The following LRCH1 variants were observed in gnomAD, a reference collection of about 807,000 sequenced individuals.
The protein encoded by LRCH1 is leucine-rich repeat and calponin homology domain-containing protein 1.
In LRCH1, 23 loss-of-function variants were observed where a neutral mutation model predicts 94.9. That is an observed-to-expected ratio of 0.24 (90% CI 0.17 to 0.34). LRCH1 has a LOEUF of 0.34. LRCH1 is among the 10% of genes least tolerant of loss of function. The probability of loss-of-function intolerance (pLI) is 1.00; values close to 1 mark genes in which losing one functional copy is unlikely to be tolerated. For synonymous variants in LRCH1, 364 were observed against 354.9 expected (o/e 1.03, Z -0.29); for missense variants, 790 against 945.9 (o/e 0.84, Z 2.16).
Position 46,744,369 on chromosome 13 carries a change from AT to A in LRCH1, c.*2524del. 1.0e-6 allele frequency: 1 copy of A among 985,410 alleles called. No individual in the cohort carries two copies. The highest frequency in any genetic ancestry group is 1.7e-5 in the African/African-American group (1 of 57,344). 61.0% of individuals were successfully genotyped at this position (985,410 alleles called of 1,614,324 possible). A position where few individuals can be genotyped will look rare whatever the true frequency, so the allele number is the denominator to read the frequency against. ...ATTTACATTTTATTTTGAAATAGCCATTTGTATTCTCTTTCTCCAGTTTCTC... is the reference window on the plus strand; with the variant it reads ...ATTTACATTTTATTTTGAAATAGCCATTGTATTCTCTTTCTCCAGTTTCTC... On this transcript the variant is annotated 3_prime_UTR_variant, in exon 20 of 20. Coordinates refer to ENST00000389797, the MANE Select transcript of LRCH1 (RefSeq NM_001164211.2).
chr13:46,742,797 C>T lies in LRCH1; in HGVS notation c.*949C>T, dbSNP rs1873735630. ...CCGTGGAACATTCTTGGTCCTGGTG[C>T]TTGGGTTATGATGGCAGGAGTCAAG... On this transcript the variant is annotated 3_prime_UTR_variant, in exon 20 of 20. Transcript: ENST00000389797. The T allele has an allele frequency of 1.0e-6, 1 of 985,150 alleles. No individual in the cohort carries two copies. The highest frequency in any genetic ancestry group is 1.7e-5 in the African/African-American group (1 of 57,202). 61.0% of individuals were successfully genotyped at this position (985,150 alleles called of 1,614,324 possible).
At chr13:46,750,664 C>T (rs989758065) in exon 19 of LRCH1, 3 of 1,503,604 alleles carry the variant, frequency 2.0e-6, no homozygotes, top group African/African-American at 2.8e-5. Context: ...TACCCCTTCT[C>T]CATTGGGGGC....
chr13:46,591,263 T>C (rs1242607372), intron 1 of LRCH1, among the ~76,000 whole-genome samples: 1 of 152,244 alleles, frequency 6.6e-6, no homozygotes. Flanking sequence ...TATGAAAGTA[T>C]TTCTTTTAGG....
intron 17 of LRCH1, among the ~76,000 whole-genome samples, chr13:46,724,796 A>G (rs1167041614): frequency 6.6e-6 from 1 of 152,242 alleles, no homozygotes; most frequent in African/African-American, 2.4e-5. Flanking sequence ...AAAAGAGTCT[A>G]AGAAAGCTTC....
At chr13:46,722,180 T>C (rs914083819) in intron 16 of LRCH1, among the ~76,000 whole-genome samples, 2 of 152,236 alleles carry the variant, frequency 1.3e-5, no homozygotes, top group African/African-American at 2.4e-5. Flanking sequence ...TTGAAACTTC[T>C]GTAACTTCAG....
intron 1 of LRCH1, among the ~76,000 whole-genome samples, chr13:46,635,797 T>C (rs928598351): frequency 2.0e-5 from 3 of 151,872 alleles, no homozygotes; most frequent in Non-Finnish European, 4.4e-5. Context: ...AGAACATCAC[T>C]CCATCAGTTG....
intron 2 of LRCH1, among the ~76,000 whole-genome samples, chr13:46,650,870 C>T (rs767324776): frequency 9.9e-5 from 15 of 152,148 alleles, no homozygotes; most frequent in Non-Finnish European, 2.1e-4. Flanking sequence ...TAGCCAGATA[C>T]AAAGTTTGCT....
chr13:46,694,920 A>G lies in LRCH1; in HGVS notation c.1148A>G (p.Glu383Gly). Residue 383 changes from glutamate (E) to glycine (G), a missense_variant, in exon 9 of 20, where the codon GAG (glutamate) becomes GGG (glycine). Coordinates refer to ENST00000389797, the MANE Select transcript of LRCH1 (RefSeq NM_001164211.2). ...KGEFHQEFQP[E>G]PSLLGDSTNS... ...GAATTTCATCAGGAATTTCAACCGGAGCCTTCCCTTTTGGGTGACAGCACC... is the reference window on the plus strand; with the variant it reads ...GAATTTCATCAGGAATTTCAACCGGGGCCTTCCCTTTTGGGTGACAGCACC... 3.7e-6 allele frequency: 6 copies of G among 1,614,186 alleles called. No individual in the cohort carries two copies. Among genetic ancestry groups the G allele is most frequent in the Non-Finnish European group, 5.1e-6 (6 of 1,179,984 alleles).
At chr13:46,637,204 A>G (rs1338687520) in intron 1 of LRCH1, among the ~76,000 whole-genome samples, 1 of 152,186 alleles carries the variant, frequency 6.6e-6, no homozygotes, top group African/African-American at 2.4e-5. Context: ...CTTTCAAAAG[A>G]TACAACCTGA....
chr13:46,642,143 T>C (rs1288357072), intron 1 of LRCH1, among the ~76,000 whole-genome samples: 3 of 152,254 alleles, frequency 2.0e-5, no homozygotes, highest in Admixed American at 6.5e-5. Context: ...TGCTCTTCTT[T>C]CTGGAGAAAA....
At chr13:46,627,949 A>G (rs1453322641) in intron 1 of LRCH1, among the ~76,000 whole-genome samples, 1 of 152,160 alleles carries the variant, frequency 6.6e-6, no homozygotes, top group Non-Finnish European at 1.5e-5. Flanking sequence ...ATGTTCTACA[A>G]AATCATACAT....
chr13:46,648,504 A>C (rs1215229442), intron 1 of LRCH1, among the ~76,000 whole-genome samples: 1 of 152,222 alleles, frequency 6.6e-6, no homozygotes, highest in African/African-American at 2.4e-5. Context: ...AGGCGAGCTC[A>C]TCCTCTCAGG....
rs143149338 is a variant in LRCH1 at position 46,643,037 on chromosome 13, A to G, written c.308-7164A>G. ...ATATTTATAATAGAATTAGAGCAAT[A>G]AATAACAAAGACATACACAAATTCT... is the stretch of plus-strand genomic sequence containing the variant. On this transcript the variant is annotated intron_variant, in intron 1 of 19. Coordinates refer to ENST00000389797, the MANE Select transcript of LRCH1 (RefSeq NM_001164211.2). 2.6e-5 allele frequency among the ~76,000 whole-genome samples: 4 copies of G among 152,356 alleles called. No individual in the cohort carries two copies. In the East Asian group the frequency reaches 7.7e-4, roughly 29 times the overall value.
At chr13:46,702,897 A>G (rs1313679415) in intron 11 of LRCH1, among the ~76,000 whole-genome samples, 1 of 152,216 alleles carries the variant, frequency 6.6e-6, no homozygotes, top group Non-Finnish European at 1.5e-5. Context: ...AGGACTGCGA[A>G]TCACCAGAGA....
Position 46,626,687 on chromosome 13 carries a change from C to T in LRCH1, c.308-23514C>T, listed in dbSNP as rs956716548. 4.6e-5 allele frequency among the ~76,000 whole-genome samples: 7 copies of T among 152,190 alleles called. No individual in the cohort carries two copies. In the East Asian group the frequency reaches 7.7e-4, roughly 17 times the overall value. ...TCACACAAAGCCTGTTTGGTGGTCT[C>T]CTCACATGGACGTGCATGAAAGGTA... On this transcript the variant is annotated intron_variant, in intron 1 of 19. Coordinates refer to ENST00000389797, the MANE Select transcript of LRCH1 (RefSeq NM_001164211.2).
At chr13:46,698,486 G>GA (rs11441375) in intron 9 of LRCH1, among the ~76,000 whole-genome samples, 124,755 of 152,210 alleles carry the variant, frequency 0.82, 51,627 homozygotes, top group African/African-American at 0.94. Flanking sequence ...ACATTTGAGT[G>GA]ATTCTGGATG....
chr13:46,614,018 G>A (rs1172850036), intron 1 of LRCH1, among the ~76,000 whole-genome samples: 3 of 149,336 alleles, frequency 2.0e-5, no homozygotes, highest in South Asian at 4.3e-4. Flanking sequence ...TGTATGTATT[G>A]AAAGTATACA....
At chr13:46,691,214 T>C (rs781327329) in intron 7 of LRCH1, among the ~76,000 whole-genome samples, 16 of 152,168 alleles carry the variant, frequency 1.1e-4, no homozygotes, top group Non-Finnish European at 1.6e-4. Context: ...GTAGCAACAG[T>C]AAAATGGAGA....
At chr13:46,664,563 G>A (rs184481535) in intron 2 of LRCH1, among the ~76,000 whole-genome samples, 1 of 152,310 alleles carries the variant, frequency 6.6e-6, no homozygotes, top group East Asian at 1.9e-4. Context: ...GTTTGTGTAA[G>A]TACTTTCTGT....
Sources: allele counts gnomAD v4.1 joint callset (sites outside exome capture counted in the v4.1 genomes callset), GRCh38; gene constraint gnomAD v4.1.1; transcripts MANE v1.5; gene names NCBI Gene and HGNC (gene_info 2026-07-23, HGNC 2026-07-21).